Variants in PDGFRL observed in about 807,000 individuals in gnomAD.
The protein encoded by PDGFRL is platelet-derived growth factor receptor-like protein.
In PDGFRL, 46 loss-of-function variants were observed where a neutral mutation model predicts 37.2. The observed-to-expected ratio is 1.24, with a 90% CI of 0.98 to 1.58. PDGFRL has a LOEUF of 1.58. Ranked by LOEUF, PDGFRL falls within the 40% of genes most tolerant of loss-of-function variation. The pLI, the probability that PDGFRL is intolerant of heterozygous loss-of-function variation, is 0.00. For synonymous variants in PDGFRL, 251 were observed against 184.3 expected, an observed-to-expected ratio of 1.36 and a Z score of -2.93; for missense variants, 692 against 467.6, an observed-to-expected ratio of 1.48 and a Z score of -4.43.
intron 3 of PDGFRL, among the ~76,000 whole-genome samples, chr8:17,622,776 G>A (rs1804658739): frequency 1.3e-5 from 2 of 152,200 alleles, no homozygotes; most frequent in African/African-American, 4.8e-5. Context: ...TTGAATACAA[G>A]GGCTTCTATG....
At chr8:17,594,000 G>A (rs557578260) in intron 2 of PDGFRL, among the ~76,000 whole-genome samples, 205 of 152,200 alleles carry the variant, frequency 1.3e-3, no homozygotes, top group Non-Finnish European at 2.3e-3. Context: ...TTGCATGGCC[G>A]AAACTATGTG....
intron 4 of PDGFRL, among the ~76,000 whole-genome samples, chr8:17,633,703 CCT>C (rs924624212): frequency 2.6e-5 from 4 of 152,178 alleles, no homozygotes; most frequent in African/African-American, 7.2e-5. Context: ...CTATCTGCTC[CCT>C]GCCACCCCTG....
At chr8:17,631,823 G>A (rs1375733205) in intron 4 of PDGFRL, among the ~76,000 whole-genome samples, 2 of 152,072 alleles carry the variant, frequency 1.3e-5, no homozygotes, top group Admixed American at 6.6e-5. Context: ...ACTCTTCTTG[G>A]TCAGCTCTTA....
Position 17,632,516 on chromosome 8 carries a change from T to A in PDGFRL, c.800-1558T>A, listed in dbSNP as rs532609526. On this transcript the variant is annotated intron_variant, in intron 4 of 5. Transcript: ENST00000251630. ...CCATGCCCAGCTAATTTTGTACTTT[T>A]AGTAGAGATGGGGTTTTACCATGTT... 5.3e-5 allele frequency among the ~76,000 whole-genome samples: 8 copies of A among 152,242 alleles called. No individual in the cohort carries two copies. In the East Asian group the frequency reaches 1.6e-3, roughly 30 times the overall value.
At chr8:17,632,034 C>T (rs879900918) in intron 4 of PDGFRL, among the ~76,000 whole-genome samples, 5 of 152,334 alleles carry the variant, frequency 3.3e-5, no homozygotes, top group Non-Finnish European at 5.9e-5. Flanking sequence ...CTCCATCCTC[C>T]GCGTGCCATC....
chr8:17,592,437 G>T (rs1303806922), intron 2 of PDGFRL, among the ~76,000 whole-genome samples: 1 of 152,178 alleles, frequency 6.6e-6, no homozygotes, highest in Non-Finnish European at 1.5e-5. Flanking sequence ...TCAGAGTTCA[G>T]CGTGTGGCTT....
chr8:17,591,169 A>G (rs1339299951), intron 2 of PDGFRL, among the ~76,000 whole-genome samples: 1 of 152,158 alleles, frequency 6.6e-6, no homozygotes, highest in Non-Finnish European at 1.5e-5. Flanking sequence ...GGCGTGAGCC[A>G]CCGCGCCTGG....
chr8:17,611,539 A>C (rs1804412015), intron 2 of PDGFRL, among the ~76,000 whole-genome samples: 2 of 152,116 alleles, frequency 1.3e-5, no homozygotes, highest in Admixed American at 1.3e-4. Flanking sequence ...CAGATAGAAG[A>C]AGAGAGCGCT....
At chr8:17,589,825 C>T in intron 2 of PDGFRL, 60 bp downstream of exon 2, 2 of 963,302 alleles carry the variant, frequency 2.1e-6, no homozygotes, top group South Asian at 1.6e-5. Context: ...AACAAAATTC[C>T]TTCTTAACTA....
intron 4 of PDGFRL, among the ~76,000 whole-genome samples, chr8:17,629,363 G>A (rs576818635): frequency 1.4e-5 from 2 of 146,654 alleles, no homozygotes; most frequent in South Asian, 4.4e-4. Flanking sequence ...TCACTCTGGT[G>A]CTGCCTCTGT....
chr8:17,612,256 C>T (rs779712891), intron 2 of PDGFRL, among the ~76,000 whole-genome samples: 3 of 152,348 alleles, frequency 2.0e-5, no homozygotes, highest in South Asian at 4.1e-4. Flanking sequence ...CTTGTGCTTA[C>T]GCATTTATGC....
intron 2 of PDGFRL, among the ~76,000 whole-genome samples, chr8:17,619,027 T>C (rs1262447891): frequency 6.6e-6 from 1 of 152,148 alleles, no homozygotes; most frequent in African/African-American, 2.4e-5. Context: ...CAAAACAAGC[T>C]ATTCCGCAGT....
intron 2 of PDGFRL, among the ~76,000 whole-genome samples, chr8:17,615,620 C>G (rs1418367023): frequency 6.6e-6 from 1 of 152,112 alleles, no homozygotes; most frequent in Non-Finnish European, 1.5e-5. Context: ...ATGACAATTT[C>G]TAAAGTGTTT....
intron 2 of PDGFRL, among the ~76,000 whole-genome samples, chr8:17,617,907 A>T (rs1246955726): frequency 1.3e-5 from 2 of 152,028 alleles, no homozygotes; most frequent in Non-Finnish European, 2.9e-5. Flanking sequence ...CTGATTTGGT[A>T]CCCTGGTTCT....
At chr8:17,608,935 G>A (rs554325169) in intron 2 of PDGFRL, among the ~76,000 whole-genome samples, 2 of 152,170 alleles carry the variant, frequency 1.3e-5, no homozygotes, top group Non-Finnish European at 2.9e-5. Flanking sequence ...GAGCCAAGGA[G>A]GGGCCAGGCA....
intron 2 of PDGFRL, among the ~76,000 whole-genome samples, chr8:17,591,151 G>A (rs1254691847): frequency 6.6e-6 from 1 of 152,050 alleles, no homozygotes; most frequent in Non-Finnish European, 1.5e-5. Context: ...CAAAGTGCTG[G>A]GATTACAGGC....
chr8:17,596,020 G>A (rs1804044899), intron 2 of PDGFRL, among the ~76,000 whole-genome samples: 1 of 152,210 alleles, frequency 6.6e-6, no homozygotes, highest in Non-Finnish European at 1.5e-5. Context: ...TTGACAAGAG[G>A]AGGTGGGTGG....
rs572531916 is a variant in PDGFRL at position 17,579,151 on chromosome 8, C to T, written c.55+1844C>T. The stretch of plus-strand genomic sequence containing the variant: ...GGCAGAGGTTGCAGTGAGCCGAGAT[C>T]GCACCACTGCACTCCAGCTGGGCGA... On this transcript the variant is annotated intron_variant, in intron 1 of 5. Coordinates refer to ENST00000251630, the MANE Select transcript of PDGFRL (RefSeq NM_001372073.1). Among the ~76,000 whole-genome samples the T allele has an allele frequency of 1.2e-3, 182 of 152,176 alleles. 1 individual carries two copies. The Middle Eastern group carries it at 0.02, about 17-fold the overall frequency.
chr8:17,629,144 G>A (rs965701699), intron 4 of PDGFRL, among the ~76,000 whole-genome samples: 4 of 143,802 alleles, frequency 2.8e-5, no homozygotes, highest in Non-Finnish European at 6.0e-5. Context: ...TGCCTGGGCT[G>A]GTCTCGACCT....
Sources: gnomAD v4.1 joint callset for allele counts (sites outside exome capture counted in the v4.1 genomes callset) on GRCh38, gnomAD v4.1.1 for gene constraint, MANE v1.5 for transcripts, NCBI Gene and HGNC (gene_info 2026-07-23, HGNC 2026-07-21) for gene names.